CFAP20DC: variants seen among roughly 807,000 people sequenced by gnomAD.
CFAP20DC encodes CFAP20 domain containing.
CFAP20DC carries 84 observed loss-of-function variants against 101.7 expected under a neutral mutation model. The ratio of observed to expected loss-of-function variants is 0.83; its 90% CI spans 0.69 to 0.99. The LOEUF is 0.99. Among genes scored for constraint, CFAP20DC ranks in the 50% least tolerant of loss-of-function variants. The pLI, the probability that CFAP20DC is intolerant of heterozygous loss-of-function variation, is 0.00. For synonymous variants in CFAP20DC, 359 were observed against 351.2 expected (o/e 1.02, Z -0.25); for missense variants, 1,007 against 970.3 (o/e 1.04, Z -0.50).
chr3:58,975,101 A>C (rs2092197888), intron 4 of CFAP20DC, among the ~76,000 whole-genome samples: 1 of 152,112 alleles, frequency 6.6e-6, no homozygotes, highest in Admixed American at 6.6e-5. Flanking sequence ...CCAGCTTCAC[A>C]CTTGGTGTGT....
chr3:58,950,096 C>A (rs1349265467), intron 4 of CFAP20DC, among the ~76,000 whole-genome samples: 1 of 152,074 alleles, frequency 6.6e-6, no homozygotes, highest in Non-Finnish European at 1.5e-5. Flanking sequence ...AATCAATGTG[C>A]AAAAATCACA....
chr3:58,838,203 C>T (rs149820407), intron 13 of CFAP20DC, among the ~76,000 whole-genome samples: 317 of 152,214 alleles, frequency 2.1e-3, no homozygotes, highest in African/African-American at 7.2e-3. Flanking sequence ...GACCAAGCCA[C>T]GGCACAACTT....
intron 4 of CFAP20DC, among the ~76,000 whole-genome samples, chr3:58,983,308 T>C (rs1329788797): frequency 2.0e-5 from 3 of 152,224 alleles, no homozygotes; most frequent in African/African-American, 7.2e-5. Context: ...CAACGCTCCT[T>C]TGCCAAATAT....
At chr3:58,768,319 G>A (rs979996761) in intron 15 of CFAP20DC, among the ~76,000 whole-genome samples, 6 of 152,164 alleles carry the variant, frequency 3.9e-5, no homozygotes, top group Non-Finnish European at 1.5e-5. Flanking sequence ...GAGAGAATGA[G>A]GAAGTTTAAA....
rs368185984 is a variant in CFAP20DC at position 58,905,849 on chromosome 3, C to G, written c.550+7859G>C. On this transcript the variant is annotated intron_variant, in intron 6 of 16. Transcript: ENST00000482387. ...TGTTACTTATTGCAATATAGATACCCTCAACACAGCCAGTCACCAAATCTT... is the reference window on the plus strand; with the variant it reads ...TGTTACTTATTGCAATATAGATACCGTCAACACAGCCAGTCACCAAATCTT... Among the ~76,000 whole-genome samples the G allele has an allele frequency of 3.9e-5, 6 of 152,294 alleles. No individual in the cohort carries two copies. In the South Asian group the frequency reaches 6.2e-4, roughly 16 times the overall value.
chr3:58,900,415 C>G (rs376110004), intron 6 of CFAP20DC, among the ~76,000 whole-genome samples: 2 of 152,288 alleles, frequency 1.3e-5, no homozygotes, highest in East Asian at 3.9e-4. Context: ...GTACTCCATA[C>G]ACATTTTATT....
At chr3:58,890,507 G>T (rs1428332739) in intron 6 of CFAP20DC, among the ~76,000 whole-genome samples, 3 of 149,376 alleles carry the variant, frequency 2.0e-5, no homozygotes, top group African/African-American at 7.4e-5. Context: ...TCCCAGTAGG[G>T]GCAGCCGGGC....
intron 5 of CFAP20DC, among the ~76,000 whole-genome samples, chr3:58,927,078 T>C (rs1334153086): frequency 6.6e-6 from 1 of 152,220 alleles, no homozygotes; most frequent in African/African-American, 2.4e-5. Context: ...TAGTTTTTAA[T>C]TTTTAAAATT....
In CFAP20DC at chr3:58,913,522, TGACA is replaced by T; in HGVS notation, c.550+182_550+185del. The T allele has an allele frequency of 1.6e-6, 1 of 629,780 alleles. No homozygotes were observed. The highest frequency in any genetic ancestry group is 2.9e-5 in the Admixed American group (1 of 34,484). 39.0% of individuals were successfully genotyped at this position (629,780 alleles called of 1,614,324 possible). A position where few individuals can be genotyped will look rare whatever the true frequency, so the allele number is the denominator to read the frequency against. On this transcript the variant is annotated intron_variant, in intron 6 of 16. Transcript: ENST00000482387. This position sits in a 1 kb window ranked among gnomAD's most constrained non-coding sequence, Gnocchi z 4.4. Reference sequence around the variant, plus strand: ...AAAAAGAAGATTAATACCTTTTTTGTGACATTCAGCTATAGTAAAAATAAACATT... The same window carrying T: ...AAAAAGAAGATTAATACCTTTTTTGTTTCAGCTATAGTAAAAATAAACATT...
At chr3:58,846,713 C>T (rs2077679495) in intron 13 of CFAP20DC, among the ~76,000 whole-genome samples, 1 of 150,782 alleles carries the variant, frequency 6.6e-6, no homozygotes, top group Non-Finnish European at 1.5e-5. Flanking sequence ...CCAAGTCAAT[C>T]CTAAGCCAAA....
chr3:58,826,901 A>G (rs1374978798), intron 14 of CFAP20DC, among the ~76,000 whole-genome samples: 2 of 152,070 alleles, frequency 1.3e-5, no homozygotes, highest in Admixed American at 6.5e-5. Flanking sequence ...TCAGGGTGGG[A>G]TGAGGGTTGG....
At chr3:59,046,665 G>A (rs1200119487) in intron 2 of CFAP20DC, among the ~76,000 whole-genome samples, 1 of 152,070 alleles carries the variant, frequency 6.6e-6, no homozygotes, top group African/African-American at 2.4e-5. Flanking sequence ...AAGTAGAACA[G>A]TCAATGGCCT....
At chr3:58,997,999 C>T (rs2108708250) in intron 4 of CFAP20DC, among the ~76,000 whole-genome samples, 1 of 152,330 alleles carries the variant, frequency 6.6e-6, no homozygotes, top group South Asian at 2.1e-4. Flanking sequence ...TCAGAGTCCA[C>T]AGTCAGTCTT....
chr3:58,779,775 G>C (rs907018789), intron 15 of CFAP20DC, among the ~76,000 whole-genome samples: 1 of 151,940 alleles, frequency 6.6e-6, no homozygotes, highest in Non-Finnish European at 1.5e-5. Context: ...GAGATGAAAG[G>C]GTTAGAAAAA....
intron 14 of CFAP20DC, among the ~76,000 whole-genome samples, chr3:58,830,897 T>G (rs545273723): frequency 6.6e-6 from 1 of 152,324 alleles, no homozygotes; most frequent in South Asian, 2.1e-4. Flanking sequence ...ATGACATTTC[T>G]TGTGCTGTAC....
intron 13 of CFAP20DC, among the ~76,000 whole-genome samples, chr3:58,842,197 G>A (rs572135509): frequency 1.1e-3 from 162 of 152,324 alleles, no homozygotes; most frequent in African/African-American, 3.3e-3. Flanking sequence ...CCGGTCTACA[G>A]CTCCCAGCGT....
chr3:58,778,310 C>A (rs1418903733), intron 15 of CFAP20DC, among the ~76,000 whole-genome samples: 1 of 152,192 alleles, frequency 6.6e-6, no homozygotes. Flanking sequence ...CCCCAGGTAC[C>A]TGAGCACACT....
intron 4 of CFAP20DC, among the ~76,000 whole-genome samples, chr3:58,959,786 AAAC>A (rs1576489971): frequency 2.0e-5 from 3 of 152,318 alleles, no homozygotes; most frequent in South Asian, 2.1e-4. Flanking sequence ...ATTTCGACAA[AAAC>A]AACAAGTGCT....
At chr3:58,750,789 C>A (rs909779647) in intron 16 of CFAP20DC, among the ~76,000 whole-genome samples, 1 of 152,220 alleles carries the variant, frequency 6.6e-6, no homozygotes, top group African/African-American at 2.4e-5. Context: ...GAGCTTTTAT[C>A]TCTTCCATAC....
Sources: gnomAD v4.1 joint callset for allele counts (sites outside exome capture counted in the v4.1 genomes callset) on GRCh38, gnomAD v4.1.1 for gene constraint, Gnocchi (gnomAD v3.1) non-coding constraint, MANE v1.5 for transcripts, NCBI Gene and HGNC (gene_info 2026-07-23, HGNC 2026-07-21) for gene names.